Variants in SEL1L3 observed in about 807,000 individuals in gnomAD.
SEL1L3 encodes SEL1L family member 3, also known as protein sel-1 homolog 3.
In SEL1L3, 76 loss-of-function variants were observed where a neutral mutation model predicts 142.8. The ratio of observed to expected loss-of-function variants is 0.53; its 90% CI spans 0.44 to 0.64. The LOEUF (loss-of-function observed/expected upper bound fraction) is 0.64. SEL1L3 is among the 30% of genes least tolerant of loss of function. The pLI, the probability that SEL1L3 is intolerant of heterozygous loss-of-function variation, is 0.00. For synonymous variants in SEL1L3, 504 were observed against 519.6 expected (o/e 0.97, Z 0.41); for missense variants, 1,262 against 1,381.7 (o/e 0.91, Z 1.37).
intron 23 of SEL1L3, among the ~76,000 whole-genome samples, chr4:25,750,841 C>T (rs922068525): frequency 2.6e-5 from 4 of 152,202 alleles, no homozygotes; most frequent in Non-Finnish European, 5.9e-5. Flanking sequence ...TTTAAAAGAA[C>T]ATTAGGCTAA....
chr4:25,764,590 A>G (rs1484069232), intron 20 of SEL1L3, among the ~76,000 whole-genome samples: 2 of 152,216 alleles, frequency 1.3e-5, no homozygotes, highest in African/African-American at 4.8e-5. Flanking sequence ...AGTACAAGCA[A>G]AACACTTCCT....
At chr4:25,832,719 T>C (rs1054358389) in intron 5 of SEL1L3, among the ~76,000 whole-genome samples, 4 of 152,240 alleles carry the variant, frequency 2.6e-5, no homozygotes, top group African/African-American at 9.6e-5. Context: ...AGGACTGACT[T>C]GCTCAGATCA....
chr4:25,776,317 C>T lies in SEL1L3; in HGVS notation c.2629G>A (p.Val877Ile), dbSNP rs1415633583. ...TAGGCATTGAGGCCTTTGCGGATGACATGGCCCAAGTAGCCATTTTTCTCA... is the reference window on the plus strand; with the variant it reads ...TAGGCATTGAGGCCTTTGCGGATGATATGGCCCAAGTAGCCATTTTTCTCA... Reference protein sequence around the residue: ...VAEKNGYLGHVIRKGLNAYLE... With the variant: ...VAEKNGYLGHIIRKGLNAYLE... The change falls in exon 17 of 24, where the codon GTC (valine) becomes ATC (isoleucine). Residue 877 changes from valine (V) to isoleucine (I), a missense_variant. By Grantham distance (29) the Val-to-Ile change is conservative. Coordinates refer to ENST00000399878, the MANE Select transcript of SEL1L3 (RefSeq NM_015187.5). The T allele has an allele frequency of 6.2e-7, 1 of 1,612,806 alleles. No individual in the cohort carries two copies. Among genetic ancestry groups the T allele is most frequent in the East Asian group, 2.2e-5 (1 of 44,846 alleles).
downstream of SEL1L3, among the ~76,000 whole-genome samples, chr4:25,746,948 C>T (rs564103552): frequency 7.9e-5 from 12 of 152,096 alleles, no homozygotes; most frequent in Non-Finnish European, 1.3e-4. Context: ...TAGTTTTCAT[C>T]GCCCCATTTT....
intron 23 of SEL1L3, chr4:25,756,335 G>A (rs185081068): frequency 2.4e-5 from 24 of 985,162 alleles, no homozygotes; most frequent in Non-Finnish European, 2.7e-5. Context: ...CAAATGACAC[G>A]ACTGGGGCCT....
At chr4:25,799,761 A>G (rs578233319) in intron 11 of SEL1L3, among the ~76,000 whole-genome samples, 5 of 152,284 alleles carry the variant, frequency 3.3e-5, no homozygotes, top group African/African-American at 1.2e-4. Context: ...ATGAGGAGGG[A>G]TGTGTTTCTT....
chr4:25,797,797 G>A (rs1369767697), intron 11 of SEL1L3, among the ~76,000 whole-genome samples: 1 of 152,220 alleles, frequency 6.6e-6, no homozygotes, highest in Non-Finnish European at 1.5e-5. Flanking sequence ...GGACACAGAG[G>A]TGAACAGATG....
intron 17 of SEL1L3, chr4:25,773,570 A>G (rs532843975): frequency 6.6e-6 from 1 of 152,234 alleles, no homozygotes; most frequent in Admixed American, 6.5e-5. Flanking sequence ...TCTCCCTTCT[A>G]TTCACCATAC....
chr4:25,803,187 T>G (rs1291835015), intron 10 of SEL1L3, among the ~76,000 whole-genome samples: 1 of 152,202 alleles, frequency 6.6e-6, no homozygotes, highest in Non-Finnish European at 1.5e-5. Flanking sequence ...TCTGACCACC[T>G]CATCTCACAG....
chr4:25,744,456 C>T (rs937367074), downstream of SEL1L3, among the ~76,000 whole-genome samples: 10 of 149,822 alleles, frequency 6.7e-5, no homozygotes, highest in African/African-American at 1.7e-4. Flanking sequence ...CAGGTTCAAG[C>T]GATGCTCATG....
chr4:25,716,151 G>A, the SEL1L3 span, among the ~76,000 whole-genome samples: 2 of 151,858 alleles, frequency 1.3e-5, no homozygotes, highest in Admixed American at 6.6e-5. Flanking sequence ...GAAAAGATTC[G>A]TATCCAGAGT....
At chr4:25,768,432 T>G (rs984644101) in intron 17 of SEL1L3, among the ~76,000 whole-genome samples, 21 of 152,320 alleles carry the variant, frequency 1.4e-4, no homozygotes, top group African/African-American at 4.1e-4. Context: ...GATTCATATT[T>G]GGAATAATGG....
intron 11 of SEL1L3, among the ~76,000 whole-genome samples, chr4:25,790,868 C>T (rs1712286726): frequency 6.6e-6 from 1 of 152,184 alleles, no homozygotes; most frequent in South Asian, 2.1e-4. Flanking sequence ...ACGCAAAAGA[C>T]ATGACATTAT....
At chr4:25,756,833 T>A (rs1717996579) in intron 23 of SEL1L3, 40 of 1,271,722 alleles carry the variant, frequency 3.1e-5, no homozygotes, top group Non-Finnish European at 4.1e-5. Context: ...TCTGATTGCT[T>A]GACTGAAATG....
chr4:25,856,594 A>T (rs75470424), intron 1 of SEL1L3, among the ~76,000 whole-genome samples: 11 of 81,850 alleles, frequency 1.3e-4, no homozygotes, highest in East Asian at 5.1e-4. Context: ...TATTGTAATT[A>T]AAAAAAAAAA....
intron 15 of SEL1L3, 44 bp downstream of exon 15, chr4:25,782,198 C>A (rs1357472826): frequency 6.4e-7 from 1 of 1,563,152 alleles, no homozygotes. Flanking sequence ...GCTTCATGAT[C>A]AAGTGACTGA....
intron 6 of SEL1L3, among the ~76,000 whole-genome samples, chr4:25,826,264 T>C (rs948569602): frequency 6.6e-6 from 1 of 152,204 alleles, no homozygotes; most frequent in African/African-American, 2.4e-5. Flanking sequence ...TGTCATGGGA[T>C]ATTATTGACA....
In SEL1L3 at chr4:25,833,489, T is replaced by C; in HGVS notation, c.941A>G (p.Asn314Ser). The change falls in exon 4 of 24, where the codon AAT becomes AGT. Residue 314 changes from asparagine (N) to serine (S), a missense_variant. Physicochemically the swap from Asn to Ser is conservative, Grantham distance 46. Coordinates refer to ENST00000399878, the MANE Select transcript of SEL1L3 (RefSeq NM_015187.5). ...TACAGAAGGTGTGCCGTACATCTCA[T>C]TAGAGTCAACAAAGTACAGAATCCC... Reference protein sequence around the residue: ...LCGILYFVDSNEMYGTPSVFL... With the variant: ...LCGILYFVDSSEMYGTPSVFL... The C allele has an allele frequency of 6.2e-7, 1 of 1,613,110 alleles. No individual in the cohort carries two copies. The highest frequency in any genetic ancestry group is 8.5e-7 in the Non-Finnish European group (1 of 1,179,164).
At chr4:25,862,506 C>A (rs1445951674) in intron 1 of SEL1L3, among the ~76,000 whole-genome samples, 169 bp downstream of exon 1, 1 of 152,106 alleles carries the variant, frequency 6.6e-6, no homozygotes, top group Admixed American at 6.5e-5. Context: ...CCTCTCCACG[C>A]CCGGGGTACC....
Sources: gnomAD v4.1 joint callset for allele counts (sites outside exome capture counted in the v4.1 genomes callset) on GRCh38, gnomAD v4.1.1 for gene constraint, MANE v1.5 for transcripts, NCBI Gene and HGNC (gene_info 2026-07-23, HGNC 2026-07-21) for gene names.